Variants in AQP8 observed in about 807,000 individuals in gnomAD.
The protein encoded by AQP8 is aquaporin 8, also known as aquaporin-8.
In AQP8, 14 loss-of-function variants were observed where a neutral mutation model predicts 26.1. The observed-to-expected ratio is 0.54, with a 90% confidence interval of 0.35 to 0.84. The LOEUF (loss-of-function observed/expected upper bound fraction) is 0.84. Among genes scored for constraint, AQP8 ranks in the 40% least tolerant of loss-of-function variants. The probability of loss-of-function intolerance (pLI) is 0.01; values close to 1 mark genes in which losing one functional copy is unlikely to be tolerated. For synonymous variants in AQP8, 131 were observed against 150.7 expected (o/e 0.87, Z 0.96); for missense variants, 301 against 340.5 (o/e 0.88, Z 0.91).
chr16:25,228,332 G>C (rs1357951338), intron 5 of AQP8, 112 bp from the exon 6 acceptor site: 2 of 930,044 alleles, frequency 2.2e-6, no homozygotes, highest in Non-Finnish European at 1.8e-6. Context: ...GGCTATTAAG[G>C]CTGGGGAGGC....
At chr16:25,228,239 C>G (rs1210879749) in intron 5 of AQP8, among the ~76,000 whole-genome samples, 1 of 151,464 alleles carries the variant, frequency 6.6e-6, no homozygotes, top group Non-Finnish European at 1.5e-5. Flanking sequence ...TGTACTCCAG[C>G]CTGGGTGAGT....
intron 4 of AQP8, 75 bp downstream of exon 4, chr16:25,224,651 G>C (rs1962608745): frequency 6.9e-7 from 1 of 1,458,162 alleles, no homozygotes; most frequent in Admixed American, 2.0e-5. Context: ...CAGGCCTGAG[G>C]GTCACAGATT....
chr16:25,219,076 G>A (rs1204254263), intron 2 of AQP8, among the ~76,000 whole-genome samples: 2 of 151,376 alleles, frequency 1.3e-5, no homozygotes, highest in Non-Finnish European at 2.9e-5. Context: ...ATAAATATGA[G>A]TAATAATAAT....
In AQP8 at chr16:25,221,550, G is replaced by A; in HGVS notation, c.354G>A (p.Leu118=). Reference sequence around the variant, plus strand: ...TCCTCCCGTACTGGGTCTCACAGCTGCTCGGGGGGATGCTCGGGGCTGCCT... The same window carrying A: ...TCCTCCCGTACTGGGTCTCACAGCTACTCGGGGGGATGCTCGGGGCTGCCT... ...VMLLPYWVSQ[L]LGGMLGAALA... The change falls in exon 3 of 6, where the codon CTG becomes CTA. Residue 118 remains leucine, a synonymous_variant. Coordinates refer to ENST00000219660, the MANE Select transcript of AQP8 (RefSeq NM_001169.3). 6.2e-7 allele frequency: 1 copy of A among 1,614,166 alleles called. No individual in the cohort carries two copies. The highest frequency in any genetic ancestry group is 1.6e-4 in the Middle Eastern group (1 of 6,062).
chr16:25,220,937 G>T (rs1308375463), intron 2 of AQP8, among the ~76,000 whole-genome samples: 1 of 152,162 alleles, frequency 6.6e-6, no homozygotes, highest in Non-Finnish European at 1.5e-5. Flanking sequence ...TGTAGTTCCA[G>T]CTACTTAGGA....
chr16:25,217,566 T>C, intron 2 of AQP8, 121 bp downstream of exon 2: 1 of 1,386,208 alleles, frequency 7.2e-7, no homozygotes, highest in Non-Finnish European at 9.8e-7. Flanking sequence ...GCGCTCTGGA[T>C]AACTATGGGG....
At position 25,217,355 on chromosome 16, in the gene AQP8, T is replaced by C. The variant is rs1223319546; in HGVS notation, c.170T>C (p.Ile57Thr). The change falls in exon 2 of 6, where the codon ATT becomes ACT. Residue 57 changes from isoleucine (I) to threonine (T), a missense_variant. Ile to Thr is a moderately conservative substitution (Grantham distance 89, BLOSUM62 -1). Coordinates refer to ENST00000219660, the MANE Select transcript of AQP8 (RefSeq NM_001169.3). Reference sequence around the variant, plus strand: ...ATCTTCATCGGGTGCCTGTCGGTCATTGAGAATGGGACGGACACTGGGCTG... The same window carrying C: ...ATCTTCATCGGGTGCCTGTCGGTCACTGAGAATGGGACGGACACTGGGCTG... ...LFIFIGCLSV[I>T]ENGTDTGLLQ... The C allele has an allele frequency of 9.9e-6, 16 of 1,613,988 alleles. No homozygotes were observed. The highest frequency in any genetic ancestry group is 2.7e-5 in the African/African-American group (2 of 74,918).
chr16:25,228,111 A>G (rs1190821070), intron 5 of AQP8, among the ~76,000 whole-genome samples: 2 of 151,860 alleles, frequency 1.3e-5, no homozygotes, highest in Non-Finnish European at 2.9e-5. Flanking sequence ...TACTAAAAAT[A>G]CAAAAATCAG....
At chr16:25,217,682 G>A (rs1962507582) in intron 2 of AQP8, among the ~76,000 whole-genome samples, 1 of 152,218 alleles carries the variant, frequency 6.6e-6, no homozygotes, top group African/African-American at 2.4e-5. Context: ...ATGCGCCGCA[G>A]CACCCAACTA....
chr16:25,224,608 C>T (rs968399577), intron 4 of AQP8, 32 bp downstream of exon 4: 1 of 1,591,386 alleles, frequency 6.3e-7, no homozygotes, highest in Middle Eastern at 2.1e-4. Flanking sequence ...GGTGACCATG[C>T]CCAGATCTGT....
At chr16:25,217,165 C>A (rs1962496920) in intron 1 of AQP8, 33 bp from the exon 2 acceptor site, 2 of 1,613,510 alleles carry the variant, frequency 1.2e-6, no homozygotes, top group African/African-American at 2.7e-5. Flanking sequence ...TTGCCTCCCA[C>A]CCGTGTCCTC....
At chr16:25,225,634 T>C (rs10852284) in intron 4 of AQP8, among the ~76,000 whole-genome samples, 99,842 of 151,818 alleles carry the variant, frequency 0.66, 33,574 homozygotes, top group African/African-American at 0.8. Flanking sequence ...TGGTCTCGAT[T>C]TCCTGATCTC....
rs1962670538 is a variant in AQP8, at chr16:25,228,785, G to A, written c.*293G>A. 3.3e-6 allele frequency: 1 copy of A among 299,966 alleles called. No individual in the cohort carries two copies. The highest frequency in any genetic ancestry group is 6.2e-6 in the Non-Finnish European group (1 of 160,618). The allele number at this position is 299,966 out of a possible 1,614,324, so 18.6% of individuals were successfully genotyped here. ...CGTGTTTCTTGAGAGGAATGTCCCC[G>A]AGTTGGACAAGGAGGCTGTTTCTGC... On this transcript the variant is annotated 3_prime_UTR_variant, in exon 6 of 6. Coordinates refer to ENST00000219660, the MANE Select transcript of AQP8 (RefSeq NM_001169.3).
intron 5 of AQP8, among the ~76,000 whole-genome samples, chr16:25,227,798 A>AT (rs762520094): frequency 4.0e-5 from 6 of 151,606 alleles, no homozygotes; most frequent in East Asian, 2.0e-4. Context: ...AGTTTTTGTG[A>AT]TTTTTTTGGT....
At chr16:25,223,290 C>T (rs1962587852) in intron 3 of AQP8, among the ~76,000 whole-genome samples, 1 of 152,262 alleles carries the variant, frequency 6.6e-6, no homozygotes, top group Non-Finnish European at 1.5e-5. Flanking sequence ...GCCGATCGCC[C>T]ATAGAAATAA....
chr16:25,227,102 C>T lies in AQP8; in HGVS notation c.637C>T (p.Arg213Cys), dbSNP rs149003356. Residue 213 changes from arginine to cysteine, a missense_variant, in exon 5 of 6, where the codon CGT becomes TGT. Arg to Cys is a radical substitution (Grantham distance 180, BLOSUM62 -3). Transcript: ENST00000219660. ...GTCTGGAGGCTGCATGAATCCCGCC[C>T]GTGCTTTTGGACCTGCGGTGGTGGC... The part of the protein sequence containing the change: ...PVSGGCMNPA[R>C]AFGPAVVANH... 1.3e-5 allele frequency: 21 copies of T among 1,614,000 alleles called. No homozygotes were observed. Among genetic ancestry groups the T allele is most frequent in the East Asian group, 4.5e-5 (2 of 44,892 alleles).
chr16:25,221,099 T>C (rs1962556594), intron 2 of AQP8, among the ~76,000 whole-genome samples: 1 of 152,130 alleles, frequency 6.6e-6, no homozygotes, highest in Admixed American at 6.6e-5. Flanking sequence ...GCTCTTGGGC[T>C]ACTAACTTGG....
chr16:25,221,319 T>C, intron 2 of AQP8, 138 bp from the exon 3 acceptor site: 2 of 1,038,892 alleles, frequency 1.9e-6, no homozygotes. Flanking sequence ...TTGGTGCCTC[T>C]TTGTATTTGA....
chr16:25,228,478 C>T lies in AQP8; in HGVS notation c.772C>T (p.Leu258=). The T allele has an allele frequency of 6.2e-7, 1 of 1,614,040 alleles. No homozygotes were observed. The highest frequency in any genetic ancestry group is 8.5e-7 in the Non-Finnish European group (1 of 1,179,960). Reference sequence around the variant, plus strand: ...TGGAGATGGGAAGACCCGCCTCATCCTGAAGGCTCGGTGAAGCAGAGCTCG... The same window carrying T: ...TGGAGATGGGAAGACCCGCCTCATCTTGAAGGCTCGGTGAAGCAGAGCTCG... ...FIGDGKTRLI[L]KAR is the part of the protein sequence containing the mutation. Residue 258 remains leucine (L), a synonymous_variant, in exon 6 of 6, where the codon CTG becomes TTG. Coordinates refer to ENST00000219660, the MANE Select transcript of AQP8 (RefSeq NM_001169.3).
Sources: allele counts gnomAD v4.1 joint callset (sites outside exome capture counted in the v4.1 genomes callset), GRCh38; gene constraint gnomAD v4.1.1; transcripts MANE v1.5; gene names NCBI Gene and HGNC (gene_info 2026-07-23, HGNC 2026-07-21).